Variants in CAST observed in about 807,000 individuals in gnomAD.
CAST encodes MIR583 host.
In CAST, 76 loss-of-function variants were observed where a neutral mutation model predicts 119.6. That is an observed-to-expected ratio of 0.64 (90% CI 0.53 to 0.77). The LOEUF is 0.77. Ranked by LOEUF, CAST falls within the 30% of genes least tolerant of loss-of-function variation. The pLI is 0.00. For synonymous variants in CAST, 319 were observed against 331.6 expected, an observed-to-expected ratio of 0.96 and a Z score of 0.41; for missense variants, 953 against 946.5, an observed-to-expected ratio of 1.01 and a Z score of -0.09.
the CAST span, among the ~76,000 whole-genome samples, chr5:96,136,073 C>T: frequency 6.6e-6 from 1 of 152,110 alleles, no homozygotes; most frequent in Non-Finnish European, 1.5e-5. Context: ...TTATGCTCAA[C>T]CTCTTTTTGA....
the CAST span, among the ~76,000 whole-genome samples, chr5:96,513,313 A>G: frequency 6.6e-6 from 1 of 152,196 alleles, no homozygotes; most frequent in Non-Finnish European, 1.5e-5. Flanking sequence ...GTCCTTGGAG[A>G]GTTTATATTC....
the CAST span, among the ~76,000 whole-genome samples, chr5:96,138,007 T>C: frequency 6.6e-6 from 1 of 152,074 alleles, no homozygotes; most frequent in Admixed American, 6.5e-5. Context: ...GTCCAACTTA[T>C]GAATTTCTCC....
At chr5:96,748,494 T>TA in intron 18 of CAST, 24 bp from the exon 19 acceptor site, 1 of 1,177,064 alleles carries the variant, frequency 8.5e-7, no homozygotes, top group Non-Finnish European at 1.2e-6. Context: ...CCCCTTGTAA[T>TA]ATACAGCACT....
the CAST span, chr5:96,423,392 C>T: frequency 6.2e-7 from 1 of 1,614,030 alleles, no homozygotes; most frequent in East Asian, 2.2e-5. Context: ...GCCCGTAATG[C>T]CTTTTTGCCA....
chr5:96,532,221 TCAAA>T (rs1745701761), intron 1 of CAST, among the ~76,000 whole-genome samples: 1 of 152,166 alleles, frequency 6.6e-6, no homozygotes, highest in Non-Finnish European at 1.5e-5. Flanking sequence ...CAAGGATATT[TCAAA>T]CAACTGGGAG....
chr5:96,531,035 T>A (rs1745680672), intron 1 of CAST, among the ~76,000 whole-genome samples: 1 of 152,186 alleles, frequency 6.6e-6, no homozygotes, highest in South Asian at 2.1e-4. Context: ...TCAAGTGATA[T>A]GCTAGCCTTA....
chr5:96,518,360 T>TA, the CAST span, among the ~76,000 whole-genome samples: 1 of 152,350 alleles, frequency 6.6e-6, no homozygotes, highest in African/African-American at 2.4e-5. Flanking sequence ...TGCATTAGCA[T>TA]ATCAATTAGA....
At chr5:96,178,226 A>T in the CAST span, among the ~76,000 whole-genome samples, 1 of 152,222 alleles carries the variant, frequency 6.6e-6, no homozygotes, top group Non-Finnish European at 1.5e-5. Flanking sequence ...AATAGTAATA[A>T]AATTGCAGGG....
At chr5:96,333,367 A>G in the CAST span, among the ~76,000 whole-genome samples, 1 of 152,116 alleles carries the variant, frequency 6.6e-6, no homozygotes, top group Non-Finnish European at 1.5e-5. Context: ...CAGAATGAGC[A>G]GCCTTTTCCT....
intron 1 of CAST, among the ~76,000 whole-genome samples, chr5:96,533,310 G>A (rs1442074187): frequency 2.6e-5 from 4 of 152,084 alleles, no homozygotes; most frequent in African/African-American, 9.7e-5. Flanking sequence ...GAAAGCAACA[G>A]CTGTAATGCA....
the CAST span, among the ~76,000 whole-genome samples, chr5:95,977,120 G>A: frequency 5.9e-5 from 9 of 152,178 alleles, no homozygotes; most frequent in Non-Finnish European, 1.0e-4. Context: ...GTATTTTGAG[G>A]ACTTTCTTAG....
chr5:96,591,398 A>G (rs1002775636), intron 1 of CAST, among the ~76,000 whole-genome samples: 1 of 152,092 alleles, frequency 6.6e-6, no homozygotes, highest in African/African-American at 2.4e-5. Flanking sequence ...GGCTTGATGT[A>G]TAGTTACAAT....
the CAST span, among the ~76,000 whole-genome samples, chr5:96,299,808 T>C: frequency 1.3e-5 from 2 of 152,218 alleles, no homozygotes; most frequent in Non-Finnish European, 2.9e-5. Flanking sequence ...TATAGTTGTA[T>C]ATATCTTTGA....
intron 9 of CAST, among the ~76,000 whole-genome samples, chr5:96,734,513 CA>C (rs1354673064): frequency 6.6e-6 from 1 of 152,132 alleles, no homozygotes; most frequent in Non-Finnish European, 1.5e-5. Flanking sequence ...AATTGCAGAG[CA>C]AAAATCTTCA....
chr5:96,646,710 T>C (rs1748018422), intron 1 of CAST, among the ~76,000 whole-genome samples: 1 of 152,206 alleles, frequency 6.6e-6, no homozygotes, highest in South Asian at 2.1e-4. Context: ...TCATCATCGA[T>C]TGATTTTTAT....
chr5:96,154,259 C>T, the CAST span, among the ~76,000 whole-genome samples: 2 of 149,408 alleles, frequency 1.3e-5, no homozygotes, highest in Non-Finnish European at 3.0e-5. Context: ...GCCTGGGTGA[C>T]AGAGAGAGAC....
At chr5:96,015,462 C>T in the CAST span, among the ~76,000 whole-genome samples, 1 of 151,996 alleles carries the variant, frequency 6.6e-6, no homozygotes, top group Non-Finnish European at 1.5e-5. Flanking sequence ...TATTAAGTAT[C>T]CACAATTTCC....
At chr5:96,489,776 C>T in the CAST span, among the ~76,000 whole-genome samples, 1 of 152,012 alleles carries the variant, frequency 6.6e-6, no homozygotes, top group Non-Finnish European at 1.5e-5. Context: ...CGTGAAGATG[C>T]CCTGCTCTCT....
At chr5:96,656,146 G>A (rs1449360148) in intron 1 of CAST, among the ~76,000 whole-genome samples, 2 of 152,154 alleles carry the variant, frequency 1.3e-5, no homozygotes, top group Admixed American at 6.5e-5. Context: ...GCATTTATAT[G>A]TACTAGTTGC....
Sources: gnomAD v4.1 joint callset for allele counts (sites outside exome capture counted in the v4.1 genomes callset) on GRCh38, gnomAD v4.1.1 for gene constraint, MANE v1.5 for transcripts, NCBI Gene and HGNC (gene_info 2026-07-23, HGNC 2026-07-21) for gene names.